The following GRXCR1 variants were observed in gnomAD, a reference collection of about 807,000 sequenced individuals.
GRXCR1 encodes glutaredoxin domain-containing cysteine-rich protein 1.
A neutral mutation model predicts 27.3 loss-of-function variants in GRXCR1; 27 were observed. The observed-to-expected ratio is 0.99, with a 90% confidence interval of 0.73 to 1.37. GRXCR1 has a LOEUF of 1.37. GRXCR1 is among the 40% of genes most tolerant of loss of function. GRXCR1 has a pLI of 0.00. For synonymous variants in GRXCR1, 122 were observed against 131.1 expected (o/e 0.93, Z 0.47); for missense variants, 379 against 354.4 (o/e 1.07, Z -0.56).
At chr4:43,017,553 A>C (rs187406620) in intron 2 of GRXCR1, among the ~76,000 whole-genome samples, 9 of 152,330 alleles carry the variant, frequency 5.9e-5, no homozygotes, top group Admixed American at 5.9e-4. Context: ...AAAGCACTTA[A>C]CACATTACTA....
intron 1 of GRXCR1, among the ~76,000 whole-genome samples, chr4:42,902,649 A>G (rs990567048): frequency 7.9e-5 from 12 of 152,126 alleles, no homozygotes; most frequent in Admixed American, 5.9e-4. Context: ...ACATGAACAC[A>G]TTTTGGGGGA....
intron 2 of GRXCR1, among the ~76,000 whole-genome samples, chr4:43,014,335 C>T (rs1231557040): frequency 6.6e-6 from 1 of 152,032 alleles, no homozygotes; most frequent in African/African-American, 2.4e-5. Context: ...GCTCAGGTGG[C>T]CCATCTCCAA....
At chr4:42,951,420 G>C (rs140914349) in intron 1 of GRXCR1, among the ~76,000 whole-genome samples, 1 of 152,126 alleles carries the variant, frequency 6.6e-6, no homozygotes, top group Admixed American at 6.6e-5. Context: ...GCTACTAACT[G>C]TCAAAGCAAA....
chr4:42,979,181 C>A (rs1289659781), intron 2 of GRXCR1, among the ~76,000 whole-genome samples: 2 of 151,954 alleles, frequency 1.3e-5, no homozygotes. Flanking sequence ...TTATTCGTTT[C>A]TCTTACCTAA....
At chr4:42,973,467 C>G (rs1748434195) in intron 2 of GRXCR1, among the ~76,000 whole-genome samples, 1 of 151,742 alleles carries the variant, frequency 6.6e-6, no homozygotes, top group African/African-American at 2.4e-5. Context: ...GGGGTCCTTG[C>G]CGATGTTTTT....
In GRXCR1 at chr4:43,030,395, G is replaced by A. The variant is rs1189845545; in HGVS notation, c.728G>A (p.Gly243Glu). The A allele has an allele frequency of 1.2e-6, 2 of 1,613,864 alleles. No individual in the cohort carries two copies. The highest frequency in any genetic ancestry group is 4.5e-5 in the East Asian group (2 of 44,870). The change falls in exon 4 of 4, where the codon GGA becomes GAA. Residue 243 changes from glycine (G) to glutamate (E), a missense_variant. By Grantham distance (98) the Gly-to-Glu change is moderately conservative (BLOSUM62 -2). Transcript: ENST00000399770. ...CATCCACATGAGTGTCCCTCTTGTG[G>A]AGGCTTTGGCTTTCTTCCATGCTCC... ...VQHPHECPSC[G>E]GFGFLPCSVC... is the part of the protein sequence containing the mutation.
intron 1 of GRXCR1, among the ~76,000 whole-genome samples, chr4:42,926,595 T>A (rs1302379886): frequency 1.3e-5 from 2 of 152,022 alleles, no homozygotes; most frequent in Admixed American, 6.6e-5. Context: ...TGTACAATTT[T>A]ACTATTCAAA....
intron 3 of GRXCR1, among the ~76,000 whole-genome samples, chr4:43,023,515 G>A (rs1186964787): frequency 1.3e-5 from 2 of 152,184 alleles, no homozygotes; most frequent in Non-Finnish European, 2.9e-5. Context: ...TCAAACGTGA[G>A]GAGCTGGCCA....
At chr4:42,898,546 A>G (rs2109736531) in intron 1 of GRXCR1, among the ~76,000 whole-genome samples, 1 of 152,214 alleles carries the variant, frequency 6.6e-6, no homozygotes, top group Admixed American at 6.5e-5. Flanking sequence ...AGTAAAAACA[A>G]GGTGATATTC....
intron 3 of GRXCR1, among the ~76,000 whole-genome samples, chr4:43,025,604 G>T (rs1235697436): frequency 5.3e-5 from 8 of 152,214 alleles, no homozygotes; most frequent in African/African-American, 1.9e-4. Context: ...TACTCTGTGT[G>T]CTATTCTCAA....
rs147679912 is a variant in GRXCR1, at chr4:43,002,378, C to T, written c.628-17976C>T. 5.2e-3 allele frequency among the ~76,000 whole-genome samples: 787 copies of T among 152,062 alleles called. 8 individuals are homozygous for T. Among genetic ancestry groups the T allele is most frequent in the African/African-American group, 0.018 (739 of 41,500 alleles). On this transcript the variant is annotated intron_variant, in intron 2 of 3. Transcript: ENST00000399770. ...CTGGTTTATTGAGACTAGAGAATGG[C>T]GATGACCTTTATCAAGTATACTGCC...
intron 2 of GRXCR1, among the ~76,000 whole-genome samples, chr4:43,014,428 A>T (rs545535793): frequency 2.0e-4 from 31 of 152,270 alleles, no homozygotes; most frequent in African/African-American, 7.0e-4. Context: ...TTTGGCAGGC[A>T]TCATGCTAGG....
At chr4:42,965,999 C>T (rs751624768) in intron 2 of GRXCR1, among the ~76,000 whole-genome samples, 1 of 151,858 alleles carries the variant, frequency 6.6e-6, no homozygotes, top group Non-Finnish European at 1.5e-5. Context: ...TGACTCTCTT[C>T]CCCAACCAAA....
chr4:42,957,705 G>A lies in GRXCR1; in HGVS notation c.385-5187G>A, dbSNP rs544803386. Among the ~76,000 whole-genome samples the A allele has an allele frequency of 7.9e-5, 12 of 151,564 alleles. 1 individual carries two copies. In the East Asian group the frequency reaches 2.4e-3, roughly 30 times the overall value. ...TTCCTTCTTCTGCTTGATCAATGAT[G>A]CTGAGAGACCCTGATGTATTCTTCA... On this transcript the variant is annotated intron_variant, in intron 1 of 3. Transcript: ENST00000399770.
chr4:42,905,149 C>T (rs1247081483), intron 1 of GRXCR1, among the ~76,000 whole-genome samples: 51 of 152,176 alleles, frequency 3.4e-4, no homozygotes, highest in Admixed American at 3.2e-3. Context: ...TTGGCTTTGG[C>T]CCCTACCTAG....
chr4:42,944,279 T>C (rs1747693028), intron 1 of GRXCR1, among the ~76,000 whole-genome samples: 1 of 151,974 alleles, frequency 6.6e-6, no homozygotes, highest in Admixed American at 6.6e-5. Flanking sequence ...GAGTTTGAGA[T>C]TGTATCAGGA....
chr4:43,011,098 C>T (rs1712735543), intron 2 of GRXCR1, among the ~76,000 whole-genome samples: 1 of 152,180 alleles, frequency 6.6e-6, no homozygotes, highest in Non-Finnish European at 1.5e-5. Context: ...TTCAGGACTA[C>T]AGGAAGATTC....
chr4:42,945,654 T>C (rs1223309799), intron 1 of GRXCR1, among the ~76,000 whole-genome samples: 1 of 152,130 alleles, frequency 6.6e-6, no homozygotes, highest in African/African-American at 2.4e-5. Context: ...ACTTTTTAGG[T>C]AACTTTACAG....
chr4:43,016,182 C>T (rs1712926042), intron 2 of GRXCR1, among the ~76,000 whole-genome samples: 1 of 152,202 alleles, frequency 6.6e-6, no homozygotes, highest in Non-Finnish European at 1.5e-5. Context: ...CATGCTGTCT[C>T]ACCTATGTTC....
Sources: allele counts gnomAD v4.1 joint callset (sites outside exome capture counted in the v4.1 genomes callset), GRCh38; gene constraint gnomAD v4.1.1; transcripts MANE v1.5; gene names NCBI Gene and HGNC (gene_info 2026-07-23, HGNC 2026-07-21).